The following C16orf87 variants were observed in gnomAD, a reference collection of about 807,000 sequenced individuals.
C16orf87 encodes the protein UPF0547 protein C16orf87.
A neutral mutation model predicts 21.0 loss-of-function variants in C16orf87; 13 were observed. The ratio of observed to expected loss-of-function variants is 0.62; its 90% CI spans 0.40 to 0.98. C16orf87 has a LOEUF of 0.98. Among genes scored for constraint, C16orf87 ranks in the 50% least tolerant of loss-of-function variants. The pLI is 0.00. For synonymous variants in C16orf87, 49 were observed against 60.2 expected, an observed-to-expected ratio of 0.81 and a Z score of 0.86; for missense variants, 113 against 180.4, an observed-to-expected ratio of 0.63 and a Z score of 2.14.
rs1967822074 is a variant in C16orf87, at chr16:46,802,997, C to T, written c.420G>A (p.Leu140=). 1 of 1,604,058 alleles carries T rather than the reference C, an allele frequency of 6.2e-7. No homozygotes were observed. The highest frequency in any genetic ancestry group is 8.5e-7 in the Non-Finnish European group (1 of 1,172,230). The part of the protein sequence containing the change: ...DEKAFVFSVA[L]AEINRKIINQ... ...TGATAATTTTTCTATTTATTTCTGCCAAGGCGACTGAAAACACGAAAGCCT... is the reference window on the plus strand; with the variant it reads ...TGATAATTTTTCTATTTATTTCTGCTAAGGCGACTGAAAACACGAAAGCCT... The change falls in exon 4 of 4, where the codon TTG becomes TTA. Residue 140 remains leucine, a synonymous_variant. Coordinates refer to ENST00000285697, the MANE Select transcript of C16orf87 (RefSeq NM_001001436.4).
rs2143023555 is a variant in C16orf87, at chr16:46,800,084, T to TA, written c.*2867dup. The TA allele has an allele frequency of 6.6e-6, 1 of 152,302 alleles. No individual in the cohort carries two copies. The highest frequency in any genetic ancestry group is 2.4e-5 in the African/African-American group (1 of 41,570). 9.4% of individuals were successfully genotyped at this position (152,302 alleles called of 1,614,324 possible). On this transcript the variant is annotated 3_prime_UTR_variant, in exon 4 of 4. Transcript: ENST00000285697. ...GAGAATCAAGTGCAATTACTAGAGT[T>TA]AAAGAAGTCAAATACTTTTCAATTT...
rs146559567 is a variant in C16orf87 at position 46,811,557 on chromosome 16, T to C, written c.164-1772A>G. On this transcript the variant is annotated intron_variant, in intron 2 of 3. Transcript: ENST00000285697. Reference sequence around the variant, plus strand: ...GACTTTAAGCACCTCTGGATAGAGGTACACATCACTACCTATTAAGTAGTC... The same window carrying C: ...GACTTTAAGCACCTCTGGATAGAGGCACACATCACTACCTATTAAGTAGTC... Among the ~76,000 whole-genome samples the C allele has an allele frequency of 1.2e-4, 18 of 147,996 alleles. No individual in the cohort carries two copies. In the East Asian group the frequency reaches 3.0e-3, roughly 24 times the overall value.
chr16:46,817,406 A>T lies in C16orf87; in HGVS notation c.163+6980T>A, dbSNP rs115013813. Reference sequence around the variant, plus strand: ...GACATAGTATGTAAGAAAGAGTGGTACCAGGTGCAGTGGCTCACCCCTGTA... The same window carrying T: ...GACATAGTATGTAAGAAAGAGTGGTTCCAGGTGCAGTGGCTCACCCCTGTA... On this transcript the variant is annotated intron_variant, in intron 2 of 3. Coordinates refer to ENST00000285697, the MANE Select transcript of C16orf87 (RefSeq NM_001001436.4). 8.1e-3 allele frequency among the ~76,000 whole-genome samples: 1,234 copies of T among 152,186 alleles called. 23 individuals carry two copies. The highest frequency in any genetic ancestry group is 0.028 in the African/African-American group (1,155 of 41,532).
At chr16:46,823,204 G>A (rs1181337124) in intron 2 of C16orf87, among the ~76,000 whole-genome samples, 1 of 151,984 alleles carries the variant, frequency 6.6e-6, no homozygotes, top group African/African-American at 2.4e-5. Flanking sequence ...GGACTATAAA[G>A]CATTTATCAC....
At chr16:46,816,820 AT>A (rs201142065) in intron 2 of C16orf87, among the ~76,000 whole-genome samples, 1 of 152,086 alleles carries the variant, frequency 6.6e-6, no homozygotes, top group Admixed American at 6.6e-5. Flanking sequence ...TTCCAGAAAG[AT>A]TTTTTTCAAG....
At chr16:46,826,503 T>C (rs1242685560) in intron 1 of C16orf87, among the ~76,000 whole-genome samples, 3 of 152,216 alleles carry the variant, frequency 2.0e-5, no homozygotes, top group African/African-American at 7.2e-5. Flanking sequence ...TTGAGCTAAA[T>C]TGAAATTTTG....
chr16:46,809,618 GT>G lies in C16orf87; in HGVS notation c.330del (p.Lys110AsnfsTer34). 1 of 1,604,744 alleles carries G rather than the reference GT, an allele frequency of 6.2e-7. No homozygotes were observed. Among genetic ancestry groups the G allele is most frequent in the Non-Finnish European group, 8.5e-7 (1 of 1,175,760 alleles). ...RGRPKSASAK[K>X]HEEEREKQEK... The stretch of plus-strand genomic sequence containing the variant: ...TTGTTCATACCTCTTTCTTCCTCAT[GT>G]TTTTTGGCAGATGCACTTTTAGGTC... On this transcript the variant is annotated frameshift_variant, in exon 3 of 4. Coordinates refer to ENST00000285697, the MANE Select transcript of C16orf87 (RefSeq NM_001001436.4). LOFTEE classifies it high-confidence loss of function.
At chr16:46,812,751 T>C (rs2052236) in intron 2 of C16orf87, among the ~76,000 whole-genome samples, 12,494 of 152,188 alleles carry the variant, frequency 0.082, 891 homozygotes, top group South Asian at 0.42. Context: ...GCCTTCAGTT[T>C]TTCATCTCCC....
chr16:46,801,657 C>T lies in C16orf87; in HGVS notation c.*1295G>A, dbSNP rs1276579343. The T allele has an allele frequency of 1.3e-5, 2 of 152,064 alleles. No homozygotes were observed. The highest frequency in any genetic ancestry group is 4.8e-5 in the African/African-American group (2 of 41,390). 9.4% of individuals were successfully genotyped at this position (152,064 alleles called of 1,614,324 possible). ...CTCTTAAGCTCCCTCTGCTGGTTAC[C>T]ATTTAAATAAAGTAGGAAAAAATGT... On this transcript the variant is annotated 3_prime_UTR_variant, in exon 4 of 4. Transcript: ENST00000285697.
intron 2 of C16orf87, among the ~76,000 whole-genome samples, chr16:46,820,367 T>C (rs1348608473): frequency 6.6e-6 from 1 of 152,262 alleles, no homozygotes; most frequent in African/African-American, 2.4e-5. Flanking sequence ...GTTATATAGT[T>C]ACCTATCTAT....
intron 3 of C16orf87, 89 bp from the exon 4 acceptor site, chr16:46,803,159 G>T: frequency 1.6e-6 from 1 of 630,924 alleles, no homozygotes; most frequent in South Asian, 2.0e-5. Context: ...TTCTTTAAAT[G>T]ACAGTATTAT....
rs116280295 is a variant in C16orf87, at chr16:46,823,005, T to C, written c.163+1381A>G. 4.7e-3 allele frequency among the ~76,000 whole-genome samples: 711 copies of C among 152,366 alleles called. 1 individual carries two copies. Among genetic ancestry groups the C allele is most frequent in the African/African-American group, 0.016 (668 of 41,580 alleles). On this transcript the variant is annotated intron_variant, in intron 2 of 3. Transcript: ENST00000285697. ...CAATCGCAATGGTCTTTTTTGTTCC[T>C]AAAATATAAAAAATGTTTTCCAACC...
intron 2 of C16orf87, among the ~76,000 whole-genome samples, chr16:46,810,966 A>G (rs1968063044): frequency 6.6e-6 from 1 of 152,236 alleles, no homozygotes; most frequent in Non-Finnish European, 1.5e-5. Flanking sequence ...CACCATACGA[A>G]GATACTAAAG....
chr16:46,828,882 A>C (rs944656176), intron 1 of C16orf87, among the ~76,000 whole-genome samples: 1 of 152,176 alleles, frequency 6.6e-6, no homozygotes, highest in Non-Finnish European at 1.5e-5. Context: ...TTATTTTTTC[A>C]CATCAGGTTC....
intron 2 of C16orf87, among the ~76,000 whole-genome samples, chr16:46,812,128 C>G (rs1289407693): frequency 6.6e-6 from 1 of 152,010 alleles, no homozygotes; most frequent in South Asian, 2.1e-4. Flanking sequence ...CCTGTAGTCC[C>G]AACTACTCAG....
At chr16:46,806,339 C>T (rs1335108395) in intron 3 of C16orf87, among the ~76,000 whole-genome samples, 1 of 150,744 alleles carries the variant, frequency 6.6e-6, no homozygotes, top group Non-Finnish European at 1.5e-5. Flanking sequence ...CTCACTGCAA[C>T]CTCCGCCTCC....
chr16:46,807,606 T>C (rs1019003251), intron 3 of C16orf87, among the ~76,000 whole-genome samples: 2 of 152,176 alleles, frequency 1.3e-5, no homozygotes, highest in South Asian at 4.1e-4. Flanking sequence ...GTGACAGAGA[T>C]AGTATGGCCC....
At chr16:46,824,667 C>CTTT (rs71134504) in intron 1 of C16orf87, among the ~76,000 whole-genome samples, 185 bp from the exon 2 acceptor site, 15 of 137,048 alleles carry the variant, frequency 1.1e-4, no homozygotes, top group South Asian at 2.3e-4. Context: ...TATTCACATT[C>CTTT]TTTTTTTTTT....
chr16:46,824,506 A>G (rs1211942042), intron 1 of C16orf87, 24 bp from the exon 2 acceptor site: 8 of 1,000,664 alleles, frequency 8.0e-6, no homozygotes, highest in South Asian at 1.6e-5. Context: ...AGAAAAATAT[A>G]TATTATTACT....
Sources: gnomAD v4.1 joint callset for allele counts (sites outside exome capture counted in the v4.1 genomes callset) on GRCh38, gnomAD v4.1.1 for gene constraint, MANE v1.5 for transcripts, NCBI Gene and HGNC (gene_info 2026-07-23, HGNC 2026-07-21) for gene names.